The following DENND5A variants were observed in gnomAD, a reference collection of about 807,000 sequenced individuals.
DENND5A encodes the protein DENN domain containing 5A.
DENND5A carries 64 observed loss-of-function variants against 140.3 expected under a neutral mutation model. The observed-to-expected ratio is 0.46, with a 90% CI of 0.37 to 0.56. The LOEUF is 0.56. Ranked by LOEUF, DENND5A falls within the 20% of genes least tolerant of loss-of-function variation. DENND5A has a pLI of 0.00. For synonymous variants in DENND5A, 605 were observed against 607.7 expected, an observed-to-expected ratio of 1.00 and a Z score of 0.07; for missense variants, 1,292 against 1,593.8, an observed-to-expected ratio of 0.81 and a Z score of 3.22.
intron 5 of DENND5A, among the ~76,000 whole-genome samples, chr11:9,186,818 C>T (rs1848929034): frequency 6.6e-6 from 1 of 152,190 alleles, no homozygotes; most frequent in Non-Finnish European, 1.5e-5. Context: ...CGGTGGCTCA[C>T]GCCTGTAATC....
In DENND5A at chr11:9,265,049, T is replaced by TCCG. The variant is rs758910210; in HGVS notation, c.18_20dup (p.Gly9dup). On this transcript the variant is annotated inframe_insertion, in exon 1 of 23. Coordinates refer to ENST00000328194, the MANE Select transcript of DENND5A (RefSeq NM_015213.4). This position sits in a 1 kb window ranked among gnomAD's most constrained non-coding sequence, Gnocchi z 4.7. The stretch of plus-strand genomic sequence containing the variant: ...CGAAGCGACTGGGCGCCGAGCCCCC[T>TCCG]CCGCCGCCGCCGCCACTCATGGCGC... 17 of 1,549,594 alleles carry TCCG rather than the reference T, an allele frequency of 1.1e-5. No homozygotes were observed. The highest frequency in any genetic ancestry group is 9.5e-5 in the South Asian group (8 of 84,622).
At chr11:9,218,253 C>T (rs6486215) in intron 1 of DENND5A, among the ~76,000 whole-genome samples, 93,701 of 150,946 alleles carry the variant, frequency 0.62, 29,596 homozygotes, top group African/African-American at 0.72. Flanking sequence ...AGCAAGACCC[C>T]GTCTCAAAAA....
At chr11:9,213,840 C>T (rs1355352660) in intron 1 of DENND5A, among the ~76,000 whole-genome samples, 1 of 126,490 alleles carries the variant, frequency 7.9e-6, no homozygotes, top group Non-Finnish European at 1.7e-5. Flanking sequence ...AGCAGTGAGC[C>T]AGGGAGGGGA....
chr11:9,251,322 AT>A (rs1392629161), intron 1 of DENND5A, among the ~76,000 whole-genome samples: 1 of 152,046 alleles, frequency 6.6e-6, no homozygotes, highest in Non-Finnish European at 1.5e-5. Context: ...GCCAAGCAAA[AT>A]TTTAACCTGA....
rs763351875 is a variant in DENND5A at position 9,147,137 on chromosome 11, C to T, written c.2750G>A (p.Arg917His). ...DHELTKKLYKRYAFLRCDDEK... is the reference protein window; with the variant it reads ...DHELTKKLYKHYAFLRCDDEK... ...GTCATCACAGCGCAGGAAGGCATAG[C>T]GCTTATATAACTTTCTGTTGGAGAG... Residue 917 changes from arginine to histidine, a missense_variant, in exon 16 of 23, where the codon CGC becomes CAC. By Grantham distance (29) the Arg-to-His change is conservative (BLOSUM62 0). Transcript: ENST00000328194. 24 of 1,613,948 alleles carry T rather than the reference C, an allele frequency of 1.5e-5. No homozygotes were observed. The highest frequency in any genetic ancestry group is 5.3e-5 in the African/African-American group (4 of 74,894).
intron 9 of DENND5A, chr11:9,170,154 C>T (rs142016633): frequency 1.9e-6 from 1 of 526,416 alleles, no homozygotes; most frequent in African/African-American, 2.1e-5. Context: ...CCTCATGGAA[C>T]ATGTCTCTCT....
At position 9,265,347 on chromosome 11, in the gene DENND5A, GA is replaced by G; in HGVS notation, c.-279del. 9.7e-6 allele frequency: 2 copies of G among 207,182 alleles called. No homozygotes were observed. The highest frequency in any genetic ancestry group is 9.3e-5 in the East Asian group (1 of 10,804). The allele number at this position is 207,182 out of a possible 1,614,324, so 12.8% of individuals were successfully genotyped here. The stretch of plus-strand genomic sequence containing the variant: ...GCGCCGCGGCCCGAGCGAGCCTGGA[GA>G]AGGGCGGAGAGCGCGTGGACAGCCC... On this transcript the variant is annotated 5_prime_UTR_variant, in exon 1 of 23. Coordinates refer to ENST00000328194, the MANE Select transcript of DENND5A (RefSeq NM_015213.4). The surrounding 1 kb of genome is among the most constrained non-coding windows in gnomAD (Gnocchi z 4.7).
chr11:9,168,262 T>A (rs1848256189), intron 10 of DENND5A, among the ~76,000 whole-genome samples: 1 of 152,050 alleles, frequency 6.6e-6, no homozygotes. Flanking sequence ...TTTCCTGAGC[T>A]GTTCTCGTGA....
At chr11:9,197,304 C>CA (rs1316178583) in intron 4 of DENND5A, among the ~76,000 whole-genome samples, 19 of 141,884 alleles carry the variant, frequency 1.3e-4, no homozygotes, top group African/African-American at 1.8e-4. Context: ...AACTCCATCT[C>CA]AAAAAAAATA....
chr11:9,159,612 C>T (rs146769987), intron 12 of DENND5A, among the ~76,000 whole-genome samples: 106 of 152,308 alleles, frequency 7.0e-4, no homozygotes, highest in African/African-American at 2.4e-3. Context: ...GCCACTGCGC[C>T]TGGCCTGCTA....
chr11:9,189,617 G>GCT (rs1253448369), intron 5 of DENND5A, among the ~76,000 whole-genome samples: 15 of 136,916 alleles, frequency 1.1e-4, no homozygotes, highest in Non-Finnish European at 2.3e-4. Context: ...GCTGTTGTTT[G>GCT]GTTTTTTTTT....
chr11:9,258,088 C>T (rs761073271), intron 1 of DENND5A, among the ~76,000 whole-genome samples: 2 of 151,964 alleles, frequency 1.3e-5, no homozygotes, highest in Non-Finnish European at 2.9e-5. Context: ...CCACCGTACC[C>T]GGTCTACACA....
At chr11:9,168,854 T>G (rs1220126502) in intron 10 of DENND5A, among the ~76,000 whole-genome samples, 1 of 152,252 alleles carries the variant, frequency 6.6e-6, no homozygotes, top group Non-Finnish European at 1.5e-5. Flanking sequence ...GATAAGTTAC[T>G]GAAATAGGCT....
intron 4 of DENND5A, among the ~76,000 whole-genome samples, chr11:9,201,486 T>C (rs1445421903): frequency 6.6e-6 from 1 of 151,470 alleles, no homozygotes; most frequent in Non-Finnish European, 1.5e-5. Context: ...GCCTGGGCAA[T>C]GTAGCAAGAC....
chr11:9,181,194 A>G lies in DENND5A; in HGVS notation c.1138-110T>C, dbSNP rs1848719259. The G allele has an allele frequency of 1.3e-5, 11 of 848,280 alleles. No individual in the cohort carries two copies. The East Asian group carries it at 2.1e-4, about 16-fold the overall frequency. 52.5% of individuals were successfully genotyped at this position (848,280 alleles called of 1,614,324 possible). ...CAAAAACAAAACACCTGAAATGGCTATATTTGAGATATGGTATAAGGAAGA... is the reference window on the plus strand; with the variant it reads ...CAAAAACAAAACACCTGAAATGGCTGTATTTGAGATATGGTATAAGGAAGA... On this transcript the variant is annotated intron_variant, in intron 5 of 22. Transcript: ENST00000328194.
intron 1 of DENND5A, among the ~76,000 whole-genome samples, chr11:9,248,655 G>A (rs1306759336): frequency 6.7e-6 from 1 of 149,740 alleles, no homozygotes; most frequent in Non-Finnish European, 1.5e-5. Context: ...TATAATGAGG[G>A]ATGGCCAACC....
intron 1 of DENND5A, among the ~76,000 whole-genome samples, chr11:9,231,715 C>CAAGAAAAAAAA (rs1850780198): frequency 1.3e-5 from 1 of 78,956 alleles, no homozygotes; most frequent in Non-Finnish European, 2.4e-5. Context: ...AACTCCGTCT[C>CAAGAAAAAAAA]AAAAAAAAAA....
chr11:9,175,159 TTATA>T (rs1848506394), intron 8 of DENND5A: 1 of 152,278 alleles, frequency 6.6e-6, no homozygotes, highest in South Asian at 2.1e-4. Flanking sequence ...CAAAATGCTA[TTATA>T]GTTCTATATA....
rs1326114808 is a variant in DENND5A, at chr11:9,213,816, A to AAAAAAAAAAG, written c.110-6185_110-6184insCTTTTTTTTT. On this transcript the variant is annotated intron_variant, in intron 1 of 22. Coordinates refer to ENST00000328194, the MANE Select transcript of DENND5A (RefSeq NM_015213.4). ...AGCGAGACTCCGTCTCCCAAAAAAA[A>AAAAAAAAAAG]AAGAAGAAGAAGAAGCAGTGAGCCA... Among the ~76,000 whole-genome samples the AAAAAAAAAAG allele has an allele frequency of 5.2e-3, 788 of 150,162 alleles. 15 individuals are homozygous for AAAAAAAAAAG. Among genetic ancestry groups the AAAAAAAAAAG allele is most frequent in the African/African-American group, 0.019 (759 of 40,700 alleles).
Sources: gnomAD v4.1 joint callset for allele counts (sites outside exome capture counted in the v4.1 genomes callset) on GRCh38, gnomAD v4.1.1 for gene constraint, Gnocchi (gnomAD v3.1) non-coding constraint, MANE v1.5 for transcripts, NCBI Gene and HGNC (gene_info 2026-07-23, HGNC 2026-07-21) for gene names.